Variants in GPHN observed in about 807,000 individuals in gnomAD.
GPHN encodes gephyrin.
In GPHN, 17 loss-of-function variants were observed where a neutral mutation model predicts 95.5. The observed-to-expected ratio is 0.18, with a 90% confidence interval of 0.12 to 0.27. The LOEUF (loss-of-function observed/expected upper bound fraction) is 0.27, where lower values mean the gene tolerates loss of function less well. GPHN is among the 10% of genes least tolerant of loss of function. GPHN has a pLI of 1.00. For missense variants in GPHN, 660 were observed against 978.1 expected, an observed-to-expected ratio of 0.67 and a Z score of 4.34; for synonymous variants, 320 against 322.5, an observed-to-expected ratio of 0.99 and a Z score of 0.08.
the GPHN span, among the ~76,000 whole-genome samples, chr14:67,521,498 A>T: frequency 5.7e-4 from 87 of 152,214 alleles, no homozygotes; most frequent in Non-Finnish European, 1.1e-3. Context: ...CTTTCATAGA[A>T]GTCTTAAAAT....
At chr14:67,162,132 C>T (rs565789509) in intron 19 of GPHN, among the ~76,000 whole-genome samples, 2 of 152,162 alleles carry the variant, frequency 1.3e-5, no homozygotes, top group Non-Finnish European at 2.9e-5. Flanking sequence ...TGCATAATAA[C>T]AAAATATTTT....
At chr14:67,090,419 C>T (rs948662544) in intron 12 of GPHN, among the ~76,000 whole-genome samples, 4 of 151,990 alleles carry the variant, frequency 2.6e-5, no homozygotes, top group Non-Finnish European at 5.9e-5. Context: ...ACACTCAAAA[C>T]TTTGTTTAGA....
At chr14:67,575,734 C>A in the GPHN span, 1 of 987,472 alleles carries the variant, frequency 1.0e-6, no homozygotes, top group Admixed American at 2.2e-5. Flanking sequence ...ATCCACGATT[C>A]CCAGCTTCAC....
chr14:66,833,967 C>A (rs2061687776), intron 4 of GPHN, among the ~76,000 whole-genome samples: 1 of 152,016 alleles, frequency 6.6e-6, no homozygotes, highest in South Asian at 2.1e-4. Context: ...TGTTCAAAGC[C>A]CTAGCATGCC....
intron 5 of GPHN, among the ~76,000 whole-genome samples, chr14:66,883,454 TA>T (rs1350265009): frequency 1.3e-5 from 2 of 152,090 alleles, no homozygotes; most frequent in East Asian, 1.9e-4. Flanking sequence ...ATAGTTATAA[TA>T]ACTGCTTAAA....
intron 2 of GPHN, among the ~76,000 whole-genome samples, chr14:66,747,294 C>G (rs1039688998): frequency 1.3e-5 from 2 of 152,054 alleles, no homozygotes; most frequent in Non-Finnish European, 2.9e-5. Flanking sequence ...ATTGTTGATA[C>G]AATTGTCAGG....
chr14:66,631,280 C>T (rs942513072), intron 1 of GPHN, among the ~76,000 whole-genome samples: 4 of 152,028 alleles, frequency 2.6e-5, no homozygotes, highest in African/African-American at 9.7e-5. Flanking sequence ...AACTCCTGAC[C>T]TCATGATCCA....
At chr14:66,592,518 A>C (rs878922545) in intron 1 of GPHN, among the ~76,000 whole-genome samples, 1 of 152,158 alleles carries the variant, frequency 6.6e-6, no homozygotes, top group Non-Finnish European at 1.5e-5. Flanking sequence ...TCCCAGAAGA[A>C]GACATTTGTG....
At chr14:66,741,974 CT>C (rs1189138717) in intron 2 of GPHN, among the ~76,000 whole-genome samples, 1 of 152,192 alleles carries the variant, frequency 6.6e-6, no homozygotes, top group Non-Finnish European at 1.5e-5. Flanking sequence ...TCCAGTGAGT[CT>C]TTCTTTTTTA....
intron 10 of GPHN, among the ~76,000 whole-genome samples, chr14:67,054,203 G>A (rs561530231): frequency 3.1e-4 from 47 of 152,270 alleles, no homozygotes; most frequent in African/African-American, 1.1e-3. Flanking sequence ...TCCTATATCT[G>A]AAAACCCCAT....
chr14:66,745,879 G>A (rs1414881956), intron 2 of GPHN, among the ~76,000 whole-genome samples: 3 of 151,792 alleles, frequency 2.0e-5, no homozygotes, highest in Non-Finnish European at 2.9e-5. Flanking sequence ...ACTCTACCCT[G>A]CCTATCACAG....
intron 5 of GPHN, among the ~76,000 whole-genome samples, chr14:66,910,123 T>C (rs746551227): frequency 6.6e-6 from 1 of 151,940 alleles, no homozygotes; most frequent in Admixed American, 6.6e-5. Flanking sequence ...TAGAAGTTTA[T>C]AATTTTGGGG....
chr14:66,635,487 G>A lies in GPHN; in HGVS notation c.65-45620G>A, dbSNP rs1338136778. On this transcript the variant is annotated intron_variant, in intron 1 of 22. Coordinates refer to ENST00000478722, the MANE Select transcript of GPHN (RefSeq NM_020806.5). ...GTGTATTCAAACTTCACAGAAGCCA[G>A]TATACAAAGGGAAATCCCAGATTTA... Among the ~76,000 whole-genome samples, 3 of 152,138 alleles carry A rather than the reference G, an allele frequency of 2.0e-5. No individual in the cohort carries two copies. In the East Asian group the frequency reaches 5.8e-4, roughly 29 times the overall value.
At chr14:66,666,892 C>T (rs775126046) in intron 1 of GPHN, among the ~76,000 whole-genome samples, 5 of 152,132 alleles carry the variant, frequency 3.3e-5, no homozygotes, top group South Asian at 2.1e-4. Flanking sequence ...AAACCCCAGT[C>T]GTCTCAGCCC....
chr14:67,575,768 GA>G, the GPHN span: 6 of 1,327,342 alleles, frequency 4.5e-6, no homozygotes, highest in African/African-American at 8.6e-5. Flanking sequence ...TCAGAGAGAG[GA>G]GACTCCCTCA....
the GPHN span, among the ~76,000 whole-genome samples, chr14:67,660,553 A>G: frequency 1.3e-5 from 2 of 152,192 alleles, no homozygotes; most frequent in Non-Finnish European, 2.9e-5. Flanking sequence ...ATTAAAAATG[A>G]TAGGGGTCTG....
intron 1 of GPHN, among the ~76,000 whole-genome samples, chr14:66,593,119 C>G (rs139669937): frequency 1.1e-3 from 160 of 152,036 alleles, no homozygotes; most frequent in African/African-American, 3.7e-3. Flanking sequence ...GGACACAGGG[C>G]GTGGAATATC....
In GPHN at chr14:66,796,221, T is replaced by A. The variant is rs147301998; in HGVS notation, c.201+19700T>A. 3.4e-4 allele frequency among the ~76,000 whole-genome samples: 52 copies of A among 152,272 alleles called. No individual in the cohort carries two copies. The East Asian group carries it at 5.2e-3, about 15-fold the overall frequency. ...TGTATATAAGAACCACATTATCTAT[T>A]AATCTATTGATGGACACAGGTTGCT... On this transcript the variant is annotated intron_variant, in intron 3 of 22. Coordinates refer to ENST00000478722, the MANE Select transcript of GPHN (RefSeq NM_020806.5).
At chr14:67,493,799 G>A in the GPHN span, among the ~76,000 whole-genome samples, 4 of 152,068 alleles carry the variant, frequency 2.6e-5, no homozygotes, top group African/African-American at 7.2e-5. Flanking sequence ...TTTCTTTTTT[G>A]TTTTGGACTT....
Sources: gnomAD v4.1 joint callset for allele counts (sites outside exome capture counted in the v4.1 genomes callset) on GRCh38, gnomAD v4.1.1 for gene constraint, MANE v1.5 for transcripts, NCBI Gene and HGNC (gene_info 2026-07-23, HGNC 2026-07-21) for gene names.